The following DOCK1 variants were observed in gnomAD, a reference collection of about 807,000 sequenced individuals.
The protein encoded by DOCK1 is dedicator of cytokinesis protein 1.
Under a neutral mutation model 262.7 loss-of-function variants are expected in DOCK1, and 138 were observed. The ratio of observed to expected loss-of-function variants is 0.53; its 90% CI spans 0.46 to 0.61. DOCK1 has a LOEUF of 0.61. Among genes scored for constraint, DOCK1 ranks in the 20% least tolerant of loss-of-function variants. The pLI is 0.00. For missense variants in DOCK1, 1,908 were observed against 2,370.7 expected (o/e 0.80, Z 4.05); for synonymous variants, 866 against 867.4 (o/e 1.00, Z 0.03).
intron 1 of DOCK1, among the ~76,000 whole-genome samples, chr10:126,914,515 A>T (rs1401836157): frequency 6.6e-6 from 1 of 152,192 alleles, no homozygotes; most frequent in African/African-American, 2.4e-5. Flanking sequence ...TGATCCTCCA[A>T]CCCTGGCCTT....
intron 12 of DOCK1, among the ~76,000 whole-genome samples, chr10:127,014,375 AAC>A (rs2135336617): frequency 6.6e-6 from 1 of 152,358 alleles, no homozygotes; most frequent in East Asian, 1.9e-4. Context: ...AAGCATTTAA[AAC>A]ACAGCATAAT....
intron 27 of DOCK1, among the ~76,000 whole-genome samples, chr10:127,142,006 A>G (rs1343060122): frequency 6.6e-6 from 1 of 152,178 alleles, no homozygotes; most frequent in Admixed American, 6.5e-5. Context: ...CTTGGATAGA[A>G]TGGGTGGGGC....
chr10:127,190,682 C>CCCCCCCCCG (rs1554912109), intron 27 of DOCK1, among the ~76,000 whole-genome samples: 2 of 43,740 alleles, frequency 4.6e-5, no homozygotes, highest in Admixed American at 2.8e-4. Flanking sequence ...CCCCCCCCCC[C>CCCCCCCCCG]CGTTCCTGCT....
intron 1 of DOCK1, among the ~76,000 whole-genome samples, chr10:126,917,808 C>T (rs949192719): frequency 6.6e-5 from 10 of 152,038 alleles, no homozygotes; most frequent in South Asian, 6.2e-4. Flanking sequence ...GAGGACTAAG[C>T]GCACCCAGGG....
At chr10:127,326,989 G>C (rs558719314) in intron 29 of DOCK1, among the ~76,000 whole-genome samples, 1 of 152,354 alleles carries the variant, frequency 6.6e-6, no homozygotes, top group East Asian at 1.9e-4. Flanking sequence ...GGTCTTAACA[G>C]TGGGCTTAAA....
intron 35 of DOCK1, among the ~76,000 whole-genome samples, chr10:127,377,903 A>AC (rs1347691269): frequency 1.3e-5 from 2 of 151,722 alleles, no homozygotes; most frequent in East Asian, 3.9e-4. Flanking sequence ...AAAAAAAAAA[A>AC]AAAAAAGAAG....
chr10:126,979,232 G>T (rs918693284), intron 3 of DOCK1, among the ~76,000 whole-genome samples: 1 of 152,142 alleles, frequency 6.6e-6, no homozygotes, highest in African/African-American at 2.4e-5. Context: ...AATCAAGAGT[G>T]AATTCCAGCC....
intron 27 of DOCK1, among the ~76,000 whole-genome samples, chr10:127,154,175 G>A (rs1416888904): frequency 6.6e-6 from 1 of 152,164 alleles, no homozygotes; most frequent in African/African-American, 2.4e-5. Flanking sequence ...TAAATAATAT[G>A]ATTTCGTTAT....
intron 23 of DOCK1, among the ~76,000 whole-genome samples, chr10:127,099,486 A>C (rs2048107220): frequency 6.6e-6 from 1 of 152,188 alleles, no homozygotes; most frequent in Non-Finnish European, 1.5e-5. Flanking sequence ...TGCAGGGTGC[A>C]CAGGAAGCAT....
chr10:127,159,415 A>G (rs1276108821), intron 27 of DOCK1, among the ~76,000 whole-genome samples: 1 of 152,096 alleles, frequency 6.6e-6, no homozygotes, highest in Non-Finnish European at 1.5e-5. Context: ...CTAATTCTTC[A>G]GTTGTTACTA....
chr10:127,016,035 C>T (rs2041854824), intron 12 of DOCK1: 1 of 152,284 alleles, frequency 6.6e-6, no homozygotes, highest in South Asian at 2.1e-4. Flanking sequence ...AGACTGTGGT[C>T]CCAGGATGCC....
At chr10:127,108,756 A>G (rs992792989) in intron 24 of DOCK1, among the ~76,000 whole-genome samples, 1 of 152,344 alleles carries the variant, frequency 6.6e-6, no homozygotes, top group East Asian at 1.9e-4. Context: ...CGCAGCATCT[A>G]TTATGTGCTT....
chr10:127,403,395 G>A (rs562211542), intron 39 of DOCK1, among the ~76,000 whole-genome samples: 1 of 152,294 alleles, frequency 6.6e-6, no homozygotes, highest in Admixed American at 6.5e-5. Flanking sequence ...TAAATTGTAC[G>A]TAAACAACTG....
intron 1 of DOCK1, among the ~76,000 whole-genome samples, chr10:126,929,472 GC>G (rs2134170852): frequency 6.6e-6 from 1 of 152,236 alleles, no homozygotes; most frequent in South Asian, 2.1e-4. Flanking sequence ...GGGGCCTGGG[GC>G]TCAGTACTCA....
At chr10:127,412,492 C>G (rs1474417313) in intron 43 of DOCK1, among the ~76,000 whole-genome samples, 2 of 152,168 alleles carry the variant, frequency 1.3e-5, no homozygotes, top group African/African-American at 2.4e-5. Flanking sequence ...TCCTTCTGTA[C>G]TCCTGTATTG....
At chr10:127,433,176 G>A (rs1260871785) in intron 47 of DOCK1, 107 bp from the exon 48 acceptor site, 120 of 1,456,540 alleles carry the variant, frequency 8.2e-5, no homozygotes, top group Non-Finnish European at 1.1e-4. Flanking sequence ...AAGTCTGAAC[G>A]ATGATGGTCT....
intron 29 of DOCK1, among the ~76,000 whole-genome samples, chr10:127,333,735 G>C (rs765399934): frequency 7.9e-5 from 12 of 152,162 alleles, no homozygotes; most frequent in Non-Finnish European, 1.6e-4. Context: ...AGCCTCGCCG[G>C]CCACACCAGC....
intron 27 of DOCK1, among the ~76,000 whole-genome samples, chr10:127,199,359 C>A (rs1437806619): frequency 6.6e-6 from 1 of 152,080 alleles, no homozygotes; most frequent in African/African-American, 2.4e-5. Context: ...TCAATTTCCA[C>A]ATTAAAAAGT....
chr10:127,194,401 C>G (rs1260450076), intron 27 of DOCK1, among the ~76,000 whole-genome samples: 1 of 152,154 alleles, frequency 6.6e-6, no homozygotes, highest in African/African-American at 2.4e-5. Context: ...GTTTGCTAAT[C>G]ATTCTTGCAA....
Sources: gnomAD v4.1 joint callset for allele counts (sites outside exome capture counted in the v4.1 genomes callset) on GRCh38, gnomAD v4.1.1 for gene constraint, MANE v1.5 for transcripts, NCBI Gene and HGNC (gene_info 2026-07-23, HGNC 2026-07-21) for gene names.